Variants in RHOA observed in about 807,000 individuals in gnomAD.
RHOA encodes the protein ras homolog family member A.
Under a neutral mutation model 17.5 loss-of-function variants are expected in RHOA, and 3 were observed. That is an observed-to-expected ratio of 0.17 (90% CI 0.08 to 0.44). The LOEUF (loss-of-function observed/expected upper bound fraction) is 0.44, where lower values mean the gene tolerates loss of function less well. Ranked by LOEUF, RHOA falls within the 20% of genes least tolerant of loss-of-function variation. The pLI is 0.99. For synonymous variants in RHOA, 98 were observed against 88.4 expected, an observed-to-expected ratio of 1.11 and a Z score of -0.61; for missense variants, 56 against 242.3, an observed-to-expected ratio of 0.23 and a Z score of 5.10.
intron 2 of RHOA, among the ~76,000 whole-genome samples, chr3:49,372,416 C>T (rs1013329381): frequency 2.0e-5 from 3 of 152,114 alleles, no homozygotes; most frequent in Non-Finnish European, 2.9e-5. Context: ...GAGCAATCAT[C>T]GTGGCTCACT....
At chr3:49,411,707 C>A (rs2048940661) in intron 1 of RHOA, 113 bp downstream of exon 1, 1 of 152,018 alleles carries the variant, frequency 6.6e-6, no homozygotes, top group African/African-American at 2.4e-5. Context: ...GCGGCTCGGC[C>A]ACGAGCAGCC....
intron 2 of RHOA, among the ~76,000 whole-genome samples, chr3:49,370,256 C>CA (rs1233804300): frequency 6.6e-6 from 1 of 151,800 alleles, no homozygotes; most frequent in Non-Finnish European, 1.5e-5. Context: ...AGGAAAAAAA[C>CA]AAAAAAACAA....
At chr3:49,407,232 GTTTTTTTT>G (rs61556875) in intron 1 of RHOA, among the ~76,000 whole-genome samples, 46 of 70,072 alleles carry the variant, frequency 6.6e-4, no homozygotes, top group Middle Eastern at 0.01. Context: ...AATCCTTTCC[GTTTTTTTT>G]TTTTTTTTTT....
intron 1 of RHOA, among the ~76,000 whole-genome samples, chr3:49,376,681 A>C (rs2107852602): frequency 6.6e-6 from 1 of 151,746 alleles, no homozygotes; most frequent in South Asian, 2.1e-4. Context: ...CAATTTGTCA[A>C]GCAGGGTAAA....
chr3:49,405,578 T>C (rs1239920794), intron 1 of RHOA, among the ~76,000 whole-genome samples: 1 of 152,218 alleles, frequency 6.6e-6, no homozygotes, highest in Admixed American at 6.5e-5. Flanking sequence ...GGAGACATAC[T>C]ACTGCCAAGG....
chr3:49,399,590 T>TC (rs1399215422), intron 1 of RHOA, among the ~76,000 whole-genome samples: 5 of 147,324 alleles, frequency 3.4e-5, no homozygotes, highest in East Asian at 1.9e-4. Flanking sequence ...TTTTTTTTTT[T>TC]TCCCCCAGAA....
intron 3 of RHOA, among the ~76,000 whole-genome samples, chr3:49,367,565 A>T (rs375277341): frequency 1.3e-5 from 2 of 151,740 alleles, no homozygotes; most frequent in African/African-American, 4.8e-5. Context: ...TGGGAGATGG[A>T]GTCTGCAGTA....
intron 2 of RHOA, among the ~76,000 whole-genome samples, chr3:49,370,612 G>A (rs532852826): frequency 2.2e-4 from 34 of 152,244 alleles, no homozygotes; most frequent in Non-Finnish European, 4.4e-4. Flanking sequence ...CTGAAATAAT[G>A]CATCACGTAA....
chr3:49,405,326 G>A (rs905929856), intron 1 of RHOA, among the ~76,000 whole-genome samples: 1 of 152,024 alleles, frequency 6.6e-6, no homozygotes, highest in Non-Finnish European at 1.5e-5. Flanking sequence ...AACTAATGGG[G>A]AGGCTGAGGC....
intron 1 of RHOA, among the ~76,000 whole-genome samples, chr3:49,393,615 TTTAA>T (rs1474436440): frequency 4.7e-5 from 6 of 128,720 alleles, no homozygotes; most frequent in African/African-American, 1.8e-4. Flanking sequence ...TTTTTTTTTT[TTTAA>T]GAGGCTCAGC....
chr3:49,395,030 A>G (rs1575671772), intron 1 of RHOA, among the ~76,000 whole-genome samples: 1 of 151,808 alleles, frequency 6.6e-6, no homozygotes, highest in South Asian at 2.1e-4. Context: ...CGGGCAGATC[A>G]CGAGGTCAGG....
chr3:49,367,582 C>T (rs546520357), intron 3 of RHOA, among the ~76,000 whole-genome samples: 2 of 152,004 alleles, frequency 1.3e-5, no homozygotes, highest in South Asian at 4.2e-4. Flanking sequence ...AGTACAGTGG[C>T]ATGATCTTGG....
At chr3:49,411,592 G>A (rs2048937376) in intron 1 of RHOA, among the ~76,000 whole-genome samples, 1 of 151,868 alleles carries the variant, frequency 6.6e-6, no homozygotes, top group Non-Finnish European at 1.5e-5. Flanking sequence ...CGGGGGAAGG[G>A]GCACAGGAGA....
intron 2 of RHOA, among the ~76,000 whole-genome samples, chr3:49,369,387 T>G (rs1208835006): frequency 1.3e-5 from 2 of 151,948 alleles, no homozygotes; most frequent in East Asian, 3.9e-4. Context: ...TAGGTTGAAA[T>G]TTCTCAAAAT....
intron 1 of RHOA, among the ~76,000 whole-genome samples, chr3:49,400,862 G>T (rs550121008): frequency 6.6e-6 from 1 of 151,550 alleles, no homozygotes; most frequent in South Asian, 2.1e-4. Context: ...TGGCTAACAC[G>T]GTGAAATCCC....
chr3:49,396,928 A>G (rs1255260554), intron 1 of RHOA, among the ~76,000 whole-genome samples: 1 of 152,020 alleles, frequency 6.6e-6, no homozygotes. Flanking sequence ...CCAGGAGTTC[A>G]AGACTGGCCT....
intron 3 of RHOA, among the ~76,000 whole-genome samples, chr3:49,365,981 C>T (rs1387719030): frequency 6.6e-6 from 1 of 152,018 alleles, no homozygotes; most frequent in African/African-American, 2.4e-5. Flanking sequence ...TGTTTGAGCC[C>T]AGGAGGTCGA....
intron 1 of RHOA, among the ~76,000 whole-genome samples, chr3:49,382,293 T>C (rs1045040681): frequency 5.3e-5 from 8 of 151,368 alleles, no homozygotes. Flanking sequence ...CACTCCAGCC[T>C]GGGTGACAGA....
rs34715210 is a variant in RHOA, at chr3:49,393,595, C to CT, written c.-2-18005dup. Among the ~76,000 whole-genome samples the CT allele has an allele frequency of 2.7e-3, 265 of 97,930 alleles. 3 individuals carry two copies. The highest frequency in any genetic ancestry group is 3.7e-3 in the Non-Finnish European group (190 of 51,726). The allele number at this position is 97,930 out of a possible 152,430, so 64.2% of individuals were successfully genotyped here. ...TTACAGGTGTAGGCCACTGCACTGG[C>CT]TTTTTTTTTTTTTTTTTTTTTTAAG... is the stretch of plus-strand genomic sequence containing the variant. On this transcript the variant is annotated intron_variant, in intron 1 of 4. Transcript: ENST00000418115.
Sources: allele counts gnomAD v4.1 joint callset (sites outside exome capture counted in the v4.1 genomes callset), GRCh38; gene constraint gnomAD v4.1.1; transcripts MANE v1.5; gene names NCBI Gene and HGNC (gene_info 2026-07-23, HGNC 2026-07-21).